PKHD1: variants seen among roughly 807,000 people sequenced by gnomAD.
PKHD1 encodes fibrocystin.
In PKHD1, 291 loss-of-function variants were observed where a neutral mutation model predicts 412.0. That is an observed-to-expected ratio of 0.71 (90% CI 0.64 to 0.78). PKHD1 has a LOEUF of 0.78. PKHD1 is among the 30% of genes least tolerant of loss of function. PKHD1 has a pLI of 0.00. For synonymous variants in PKHD1, 1,777 were observed against 1,821.5 expected (o/e 0.98, Z 0.62); for missense variants, 4,825 against 4,950.7 (o/e 0.97, Z 0.76).
chr6:51,943,954 T>C (rs1484160011), intron 36 of PKHD1, among the ~76,000 whole-genome samples: 1 of 151,558 alleles, frequency 6.6e-6, no homozygotes, highest in Admixed American at 6.6e-5. Context: ...TTATGTTTTA[T>C]TTTTCTTATT....
chr6:51,846,361 G>T (rs1771156738), intron 50 of PKHD1, among the ~76,000 whole-genome samples: 1 of 152,124 alleles, frequency 6.6e-6, no homozygotes. Flanking sequence ...CTAAATCCAT[G>T]GCCACCTTGG....
Position 51,616,576 on chromosome 6 carries a change from G to C in PKHD1, c.*2505C>G, listed in dbSNP as rs1026040866. ...GAGGAGTAGCTTAACTATGGGTTGA[G>C]GAATTTTAGCTAGATGCCAAAATTC... is the stretch of plus-strand genomic sequence containing the variant. On this transcript the variant is annotated 3_prime_UTR_variant, in exon 67 of 67. Transcript: ENST00000371117. 2.5e-5 allele frequency: 10 copies of C among 395,390 alleles called. No individual in the cohort carries two copies. Among genetic ancestry groups the C allele is most frequent in the African/African-American group, 2.1e-4 (10 of 48,212 alleles). 24.5% of individuals were successfully genotyped at this position (395,390 alleles called of 1,614,324 possible).
rs145921665 is a variant in PKHD1, at chr6:51,695,085, A to C, written c.10157-35116T>G. Among the ~76,000 whole-genome samples the C allele has an allele frequency of 3.3e-5, 5 of 152,334 alleles. No homozygotes were observed. The East Asian group carries it at 9.6e-4, about 29-fold the overall frequency. On this transcript the variant is annotated intron_variant, in intron 60 of 66. Transcript: ENST00000371117. ...TTTTAAGTCTATTATAACCAATGGC[A>C]AGTAGACAAAGCTGAATAAAAATGG...
chr6:51,691,903 C>T (rs1778203307), intron 60 of PKHD1, among the ~76,000 whole-genome samples: 1 of 152,138 alleles, frequency 6.6e-6, no homozygotes. Flanking sequence ...GATCACCAAG[C>T]TACTACCCAA....
intron 60 of PKHD1, among the ~76,000 whole-genome samples, chr6:51,732,873 T>C (rs543691913): frequency 1.3e-5 from 2 of 152,312 alleles, no homozygotes; most frequent in South Asian, 4.1e-4. Flanking sequence ...AGCTAAAACA[T>C]GGAAGCATTC....
intron 66 of PKHD1, among the ~76,000 whole-genome samples, chr6:51,625,007 A>C (rs1457860785): frequency 1.3e-5 from 2 of 152,188 alleles, no homozygotes; most frequent in African/African-American, 4.8e-5. Context: ...ATGGCTCTTG[A>C]TATCAAAAAA....
chr6:51,912,053 T>C, intron 38 of PKHD1, 97 bp from the exon 39 acceptor site: 1 of 983,824 alleles, frequency 1.0e-6, no homozygotes, highest in Non-Finnish European at 1.6e-6. Flanking sequence ...CCTTTGGGGA[T>C]CTATTCATGT....
chr6:51,617,742 C>T lies in PKHD1; in HGVS notation c.*1339G>A, dbSNP rs542249918. On this transcript the variant is annotated 3_prime_UTR_variant, in exon 67 of 67. Coordinates refer to ENST00000371117, the MANE Select transcript of PKHD1 (RefSeq NM_138694.4). Reference sequence around the variant, plus strand: ...CACCTGCCCCTTGATGCCCTGCAGACATAACAGCTGTCTGCCAGTACTTCT... The same window carrying T: ...CACCTGCCCCTTGATGCCCTGCAGATATAACAGCTGTCTGCCAGTACTTCT... 6.6e-6 allele frequency: 1 copy of T among 152,214 alleles called. No homozygotes were observed. The highest frequency in any genetic ancestry group is 1.5e-5 in the Non-Finnish European group (1 of 68,036). 9.4% of individuals were successfully genotyped at this position (152,214 alleles called of 1,614,324 possible).
chr6:51,707,360 T>C (rs1780128494), intron 60 of PKHD1, among the ~76,000 whole-genome samples: 1 of 152,174 alleles, frequency 6.6e-6, no homozygotes, highest in African/African-American at 2.4e-5. Context: ...ACCTCCAGTA[T>C]GATGCATCCC....
chr6:51,658,671 G>A (rs1416286866), intron 61 of PKHD1, among the ~76,000 whole-genome samples: 1 of 151,976 alleles, frequency 6.6e-6, no homozygotes, highest in Non-Finnish European at 1.5e-5. Flanking sequence ...AAAACAAGTT[G>A]CTTCAAAAAT....
At chr6:51,879,085 C>T (rs1319414279) in intron 46 of PKHD1, among the ~76,000 whole-genome samples, 1 of 84,910 alleles carries the variant, frequency 1.2e-5, no homozygotes, top group Non-Finnish European at 2.1e-5. Context: ...TCAAGGAGAA[C>T]TACAAACCAC....
Position 51,711,621 on chromosome 6 carries a change from G to C in PKHD1, c.10156+32764C>G, listed in dbSNP as rs147324491. Among the ~76,000 whole-genome samples the C allele has an allele frequency of 2.6e-4, 40 of 152,208 alleles. No individual in the cohort carries two copies. The East Asian group carries it at 7.3e-3, about 28-fold the overall frequency. ...GCTGGAAGCCCTTCTGATTAGTCAG[G>C]CTCCTTGAGTTGGAAACATAAGGAT... On this transcript the variant is annotated intron_variant, in intron 60 of 66. Transcript: ENST00000371117.
intron 55 of PKHD1, among the ~76,000 whole-genome samples, chr6:51,767,541 C>A (rs1387043201): frequency 6.6e-6 from 1 of 152,040 alleles, no homozygotes; most frequent in Non-Finnish European, 1.5e-5. Flanking sequence ...TGTTCAATTC[C>A]CACCTATGAG....
intron 27 of PKHD1, among the ~76,000 whole-genome samples, chr6:52,036,896 CA>C (rs1295347054): frequency 2.5e-4 from 38 of 152,074 alleles, no homozygotes; most frequent in African/African-American, 9.2e-4. Context: ...AATGCAATTT[CA>C]ATAGACATAT....
chr6:51,959,399 T>A (rs9474121), intron 36 of PKHD1, among the ~76,000 whole-genome samples: 5,517 of 152,170 alleles, frequency 0.036, 361 homozygotes, highest in African/African-American at 0.13. Context: ...CCTAGAGCTA[T>A]ATAGCCGGTT....
intron 59 of PKHD1, among the ~76,000 whole-genome samples, chr6:51,744,809 A>G (rs1784992039): frequency 6.6e-6 from 1 of 152,188 alleles, no homozygotes; most frequent in African/African-American, 2.4e-5. Flanking sequence ...AAGAAGCAAG[A>G]TACAATAAAG....
At chr6:51,824,004 G>C (rs180884097) in intron 52 of PKHD1, among the ~76,000 whole-genome samples, 1 of 152,184 alleles carries the variant, frequency 6.6e-6, no homozygotes, top group African/African-American at 2.4e-5. Context: ...TAAAACACTG[G>C]GTTGAAGCAT....
chr6:51,843,778 T>C (rs1770655352), intron 50 of PKHD1, among the ~76,000 whole-genome samples: 1 of 152,228 alleles, frequency 6.6e-6, no homozygotes, highest in African/African-American at 2.4e-5. Flanking sequence ...GTTCTTCACT[T>C]GTGGTCTGTT....
chr6:51,846,963 CT>C (rs914671654), intron 50 of PKHD1, among the ~76,000 whole-genome samples: 1 of 151,938 alleles, frequency 6.6e-6, no homozygotes, highest in South Asian at 2.1e-4. Flanking sequence ...TTTTCTCTTT[CT>C]TTTTTTTATT....
Sources: gnomAD v4.1 joint callset for allele counts (sites outside exome capture counted in the v4.1 genomes callset) on GRCh38, gnomAD v4.1.1 for gene constraint, MANE v1.5 for transcripts, NCBI Gene and HGNC (gene_info 2026-07-23, HGNC 2026-07-21) for gene names.